TBC1D17: variants seen among roughly 807,000 people sequenced by gnomAD.
The protein encoded by TBC1D17 is TBC1 domain family, member 17.
In TBC1D17, 69 loss-of-function variants were observed where a neutral mutation model predicts 78.8. That is an observed-to-expected ratio of 0.88 (90% CI 0.72 to 1.07). The LOEUF is 1.07. Among genes scored for constraint, TBC1D17 ranks in the 50% least tolerant of loss-of-function variants. The pLI is 0.00. For missense variants in TBC1D17, 957 were observed against 861.0 expected (o/e 1.11, Z -1.39); for synonymous variants, 456 against 358.3 (o/e 1.27, Z -3.08).
intron 7 of TBC1D17, 144 bp downstream of exon 7, chr19:49,882,544 A>G: frequency 2.2e-6 from 3 of 1,380,580 alleles, no homozygotes; most frequent in South Asian, 1.4e-5. Flanking sequence ...GAAAGCGCTC[A>G]TGGCTCTGCC....
chr19:49,883,703 G>A lies in TBC1D17; in HGVS notation c.1084G>A (p.Glu362Lys). 3 of 1,614,014 alleles carry A rather than the reference G, an allele frequency of 1.9e-6. No individual in the cohort carries two copies. The highest frequency in any genetic ancestry group is 2.5e-6 in the Non-Finnish European group (3 of 1,179,974). ...GTGGAAATCTGTGAGCCCTGAGCAG[G>A]AGCGGAGAAACTCACTTCTGCATGG... is the stretch of plus-strand genomic sequence containing the variant. ...LQWKSVSPEQERRNSLLHGYR... is the reference protein window; with the variant it reads ...LQWKSVSPEQKRRNSLLHGYR... Residue 362 changes from glutamate (E) to lysine (K), a missense_variant, in exon 10 of 17, where the codon GAG becomes AAG. Coordinates refer to ENST00000221543, the MANE Select transcript of TBC1D17 (RefSeq NM_024682.3).
intron 5 of TBC1D17, 99 bp from the exon 6 acceptor site, chr19:49,881,941 TG>T: frequency 9.7e-7 from 1 of 1,033,896 alleles, no homozygotes; most frequent in Middle Eastern, 3.0e-4. Context: ...CAGGGGTGGT[TG>T]GGACGCTGCA....
At position 49,882,868 on chromosome 19, in the gene TBC1D17, G is replaced by A; in HGVS notation, c.903G>A (p.Glu301=). ...GPEGRLQQVP[E]LKNRIFSGGL... ...AAGGTCGCCTGCAGCAGGTCCCTGA[G>A]CTGAAGAACCGGATCTTCTCGGGGG... is the stretch of plus-strand genomic sequence containing the variant. Residue 301 remains glutamate, a synonymous_variant, in exon 8 of 17, where the codon GAG becomes GAA. Coordinates refer to ENST00000221543, the MANE Select transcript of TBC1D17 (RefSeq NM_024682.3). The A allele has an allele frequency of 2.5e-6, 4 of 1,610,530 alleles. No individual in the cohort carries two copies. Among genetic ancestry groups the A allele is most frequent in the Non-Finnish European group, 3.4e-6 (4 of 1,178,838 alleles).
chr19:49,882,622 G>A (rs1476091194), intron 7 of TBC1D17, 142 bp from the exon 8 acceptor site: 1 of 1,396,170 alleles, frequency 7.2e-7, no homozygotes, highest in East Asian at 2.5e-5. Context: ...CTTGGCTGCT[G>A]AGCCCCGGAA....
chr19:49,886,507 TTTC>T (rs2075059488), intron 13 of TBC1D17: 1 of 152,102 alleles, frequency 6.6e-6, no homozygotes, highest in Admixed American at 6.6e-5. Context: ...AAACATCACT[TTTC>T]TTGACTGCGC....
At chr19:49,883,211 A>G (rs569213295) in intron 9 of TBC1D17, 135 bp downstream of exon 9, 85 of 767,862 alleles carry the variant, frequency 1.1e-4, no homozygotes, top group East Asian at 9.3e-4. Flanking sequence ...GAATACGGCA[A>G]TGATCAAGCC....
rs2075084563 is a variant in TBC1D17, at chr19:49,888,421, C to CAGAG, written c.1747-1_1747insAGAG. ...TTTCGCTTCTCTCATCCCGTGCCTC[C>CAGAG]AGGAGCTGCCCCACAACGTGCAGGA... On this transcript the variant is annotated splice_polypyrimidine_tract_variant and splice_region_variant and intron_variant, in intron 16 of 16. Coordinates refer to ENST00000221543, the MANE Select transcript of TBC1D17 (RefSeq NM_024682.3). The CAGAG allele has an allele frequency of 6.3e-7, 1 of 1,599,930 alleles. No individual in the cohort carries two copies. Among genetic ancestry groups the CAGAG allele is most frequent in the Non-Finnish European group, 8.5e-7 (1 of 1,176,806 alleles).
chr19:49,880,606 C>G (rs1354161086), intron 4 of TBC1D17, among the ~76,000 whole-genome samples: 1 of 152,256 alleles, frequency 6.6e-6, no homozygotes, highest in African/African-American at 2.4e-5. Context: ...TCTGAGACTG[C>G]AGCCTTGCTC....
intron 3 of TBC1D17, among the ~76,000 whole-genome samples, chr19:49,879,952 C>G (rs2074997617): frequency 6.6e-6 from 1 of 150,840 alleles, no homozygotes; most frequent in Non-Finnish European, 1.5e-5. Context: ...CTCCCAGGTT[C>G]AAGCGATTTT....
At chr19:49,887,368 C>A in intron 13 of TBC1D17, 108 bp from the exon 14 acceptor site, 1 of 1,164,060 alleles carries the variant, frequency 8.6e-7, no homozygotes, top group South Asian at 1.3e-5. Context: ...CCCAGCCAGG[C>A]ATAAGTCACT....
Position 49,882,051 on chromosome 19 carries a change from G to A in TBC1D17, c.538G>A (p.Asp180Asn), listed in dbSNP as rs1195109730. 22 of 1,613,568 alleles carry A rather than the reference G, an allele frequency of 1.4e-5. No individual in the cohort carries two copies. Among genetic ancestry groups the A allele is most frequent in the Non-Finnish European group, 1.6e-5 (19 of 1,179,826 alleles). Residue 180 changes from aspartate to asparagine, a missense_variant, in exon 6 of 17, where the codon GAC (aspartate) becomes AAC (asparagine). Coordinates refer to ENST00000221543, the MANE Select transcript of TBC1D17 (RefSeq NM_024682.3). ...CCTCCCGCCTCCCAGCTCCCCGCAG[G>A]ACTCCCGCCTCTACCTTGTCTTCCC... ...RYLLLASSPQ[D>N]SRLYLVFPHD...
At chr19:49,879,491 C>G (rs1281581666) in intron 3 of TBC1D17, 1 of 152,264 alleles carries the variant, frequency 6.6e-6, no homozygotes, top group East Asian at 1.9e-4. Flanking sequence ...CGTTACATCA[C>G]TTCCGCTTTC....
In TBC1D17 at chr19:49,888,243, C is replaced by T; in HGVS notation, c.1672C>T (p.Leu558=). 1 of 1,589,538 alleles carries T rather than the reference C, an allele frequency of 6.3e-7. No homozygotes were observed. Among genetic ancestry groups the T allele is most frequent in the African/African-American group, 1.3e-5 (1 of 74,742 alleles). Residue 558 remains leucine (L), a synonymous_variant, in exon 16 of 17, where the codon CTG becomes TTG. Coordinates refer to ENST00000221543, the MANE Select transcript of TBC1D17 (RefSeq NM_024682.3). ...CCCCCTCCCGCAGCACATCAACGAGCTGACTATGAAGCTGAGCGTGGAGGA... is the reference window on the plus strand; with the variant it reads ...CCCCCTCCCGCAGCACATCAACGAGTTGACTATGAAGCTGAGCGTGGAGGA... The part of the protein sequence containing the change: ...SNEILKHINE[L]TMKLSVEDVL...
At chr19:49,877,784 G>C (rs774214436) in intron 1 of TBC1D17, 40 bp downstream of exon 1, 5 of 1,567,578 alleles carry the variant, frequency 3.2e-6, no homozygotes, top group Non-Finnish European at 3.5e-6. Context: ...CAGTGTATGC[G>C]AAACGCCCCG....
intron 3 of TBC1D17, chr19:49,878,793 G>C: frequency 3.6e-6 from 2 of 549,856 alleles, no homozygotes; most frequent in Middle Eastern, 4.7e-4. Context: ...ACGCACGGTC[G>C]TGGGGACGGC....
rs561644725 is a variant in TBC1D17, at chr19:49,887,187, C to T, written c.1445-289C>T. The T allele has an allele frequency of 9.4e-4, 410 of 436,986 alleles. 2 individuals are homozygous for T. The highest frequency in any genetic ancestry group is 2.1e-3 in the Middle Eastern group (3 of 1,456). 27.1% of individuals were successfully genotyped at this position (436,986 alleles called of 1,614,324 possible). On this transcript the variant is annotated intron_variant, in intron 13 of 16. Transcript: ENST00000221543. The stretch of plus-strand genomic sequence containing the variant: ...TATCTAGGAGTGTCAGTTCCCTTAG[C>T]GCTCACCAGCAGCGGGCAGAGGTCT...
intron 13 of TBC1D17, among the ~76,000 whole-genome samples, chr19:49,886,388 C>G (rs986874481): frequency 2.2e-4 from 33 of 152,152 alleles, no homozygotes; most frequent in African/African-American, 8.0e-4. Flanking sequence ...GGGGAGGGAG[C>G]TGAGATACTC....
At chr19:49,882,629 G>C in intron 7 of TBC1D17, 135 bp from the exon 8 acceptor site, 1 of 1,405,096 alleles carries the variant, frequency 7.1e-7, no homozygotes, top group African/African-American at 1.4e-5. Context: ...GCTGAGCCCC[G>C]GAAGAGGCTG....
rs533500152 is a variant in TBC1D17 at position 49,879,698 on chromosome 19, A to G, written c.196-581A>G. On this transcript the variant is annotated intron_variant, in intron 3 of 16. Coordinates refer to ENST00000221543, the MANE Select transcript of TBC1D17 (RefSeq NM_024682.3). ...GGTTTGTATTTACCTGGTGAGTACAACAGTGTCCATTGAGCACTCCGCAGC... is the reference window on the plus strand; with the variant it reads ...GGTTTGTATTTACCTGGTGAGTACAGCAGTGTCCATTGAGCACTCCGCAGC... Among the ~76,000 whole-genome samples the G allele has an allele frequency of 1.5e-4, 22 of 151,480 alleles. 1 individual carries two copies. The South Asian group carries it at 2.5e-3, about 17-fold the overall frequency.
Sources: allele counts gnomAD v4.1 joint callset (sites outside exome capture counted in the v4.1 genomes callset), GRCh38; gene constraint gnomAD v4.1.1; transcripts MANE v1.5; gene names NCBI Gene and HGNC (gene_info 2026-07-23, HGNC 2026-07-21).